Variants in PDZRN3 observed in about 807,000 individuals in gnomAD.
PDZRN3 encodes the protein PDZ domain containing ring finger 3.
A neutral mutation model predicts 85.7 loss-of-function variants in PDZRN3; 38 were observed. The ratio of observed to expected loss-of-function variants is 0.44; its 90% CI spans 0.34 to 0.58. PDZRN3 has a LOEUF of 0.58. Ranked by LOEUF, PDZRN3 falls within the 20% of genes least tolerant of loss-of-function variation. The pLI, the probability that PDZRN3 is intolerant of heterozygous loss-of-function variation, is 0.01. For missense variants in PDZRN3, 1,629 were observed against 1,506.4 expected (o/e 1.08, Z -1.35); for synonymous variants, 759 against 638.0 (o/e 1.19, Z -2.86).
intron 3 of PDZRN3, among the ~76,000 whole-genome samples, chr3:73,449,300 A>G (rs76764183): frequency 0.062 from 9,386 of 152,076 alleles, 377 homozygotes; most frequent in Middle Eastern, 0.13. Flanking sequence ...CATCTGATTA[A>G]TATTCATATT....
intron 3 of PDZRN3, among the ~76,000 whole-genome samples, chr3:73,492,219 T>C (rs1371179427): frequency 6.6e-6 from 1 of 152,202 alleles, no homozygotes; most frequent in Non-Finnish European, 1.5e-5. Flanking sequence ...ATTATCAAAA[T>C]ATTTCACAGA....
chr3:73,456,184 ATGTGTGTGTGTG>A (rs10608893), intron 3 of PDZRN3, among the ~76,000 whole-genome samples: 27 of 150,742 alleles, frequency 1.8e-4, no homozygotes, highest in Non-Finnish European at 2.4e-4. Context: ...GAGAAGAAAA[ATGTGTGTGTGTG>A]TGTGTGTGTG....
intron 6 of PDZRN3, among the ~76,000 whole-genome samples, chr3:73,390,635 A>ATG (rs746695153): frequency 0.057 from 7,944 of 139,396 alleles, 740 homozygotes; most frequent in African/African-American, 0.2. Context: ...AGAAAAAAAA[A>ATG]TGTGTGTGTG....
intron 3 of PDZRN3, among the ~76,000 whole-genome samples, chr3:73,406,526 C>A (rs1475378989): frequency 8.5e-5 from 13 of 152,162 alleles, no homozygotes; most frequent in African/African-American, 3.1e-4. Flanking sequence ...CAACATATAG[C>A]ACCCTTAGGA....
intron 3 of PDZRN3, among the ~76,000 whole-genome samples, chr3:73,594,682 A>G (rs921233867): frequency 6.9e-6 from 1 of 144,520 alleles, no homozygotes; most frequent in Admixed American, 7.1e-5. Context: ...TAGTAAGGAG[A>G]TCAGCTGCAT....
chr3:73,549,438 C>G (rs927345907), intron 3 of PDZRN3, among the ~76,000 whole-genome samples: 3 of 152,168 alleles, frequency 2.0e-5, no homozygotes, highest in African/African-American at 7.2e-5. Context: ...ACCCTGCAAG[C>G]CCAAATCCCA....
intron 3 of PDZRN3, among the ~76,000 whole-genome samples, chr3:73,526,049 C>T (rs191628761): frequency 2.2e-4 from 33 of 152,236 alleles, no homozygotes; most frequent in African/African-American, 7.5e-4. Context: ...CTGCTGTGCA[C>T]GGACTACGTG....
intron 3 of PDZRN3, among the ~76,000 whole-genome samples, chr3:73,589,999 C>T (rs1235516717): frequency 2.6e-5 from 4 of 152,062 alleles, no homozygotes; most frequent in South Asian, 4.2e-4. Flanking sequence ...CTGGGCTCAG[C>T]GGCTCACGCA....
chr3:73,436,449 C>CA (rs1490794284), intron 3 of PDZRN3, among the ~76,000 whole-genome samples: 2 of 152,006 alleles, frequency 1.3e-5, no homozygotes, highest in African/African-American at 4.8e-5. Context: ...GGTGTCCCCA[C>CA]AAAAAAAGGC....
intron 3 of PDZRN3, among the ~76,000 whole-genome samples, chr3:73,464,546 A>T (rs1302763407): frequency 6.6e-6 from 1 of 152,154 alleles, no homozygotes; most frequent in East Asian, 1.9e-4. Context: ...ATAAATGATA[A>T]CTATTCTGTC....
chr3:73,420,506 ATTGTTT>A (rs1280631700), intron 3 of PDZRN3, among the ~76,000 whole-genome samples: 1 of 152,134 alleles, frequency 6.6e-6, no homozygotes, highest in Non-Finnish European at 1.5e-5. Context: ...ACCACCATAT[ATTGTTT>A]TTAAGAAGCT....
At chr3:73,603,861 A>C (rs1218960588) in intron 2 of PDZRN3, among the ~76,000 whole-genome samples, 1 of 134,568 alleles carries the variant, frequency 7.4e-6, no homozygotes, top group African/African-American at 3.0e-5. Flanking sequence ...CCTTCTTCAC[A>C]CTTCCCCAAA....
intron 3 of PDZRN3, among the ~76,000 whole-genome samples, chr3:73,456,984 G>A (rs550725638): frequency 3.9e-5 from 6 of 152,158 alleles, no homozygotes; most frequent in African/African-American, 1.4e-4. Context: ...CATTTAAAAT[G>A]TATGTATCCT....
intron 1 of PDZRN3, among the ~76,000 whole-genome samples, chr3:73,614,045 CAAG>C (rs1702723823): frequency 6.6e-6 from 1 of 152,130 alleles, no homozygotes; most frequent in Non-Finnish European, 1.5e-5. Flanking sequence ...GCTCACTTTT[CAAG>C]AAGATACAGT....
At position 73,384,216 on chromosome 3, in the gene PDZRN3, C is replaced by A; in HGVS notation, c.2350G>T (p.Glu784Ter). Residue 784 changes from glutamate (E) to a stop codon, truncating the protein, a stop_gained, in exon 10 of 10, where the codon GAG (glutamate) becomes TAG (stop). Coordinates refer to ENST00000263666, the MANE Select transcript of PDZRN3 (RefSeq NM_015009.3). LOFTEE classifies it high-confidence loss of function. ...SPDNSLRRAA[E>*]GISCPSSEGA... is the part of the protein sequence containing the mutation. ...TCGCTGCTCGGGCAGCTGATGCCCTCCGCCGCTCTCCTCAAGGAGTTGTCG... is the reference window on the plus strand; with the variant it reads ...TCGCTGCTCGGGCAGCTGATGCCCTACGCCGCTCTCCTCAAGGAGTTGTCG... The A allele has an allele frequency of 6.2e-7, 1 of 1,613,882 alleles. No individual in the cohort carries two copies. Among genetic ancestry groups the A allele is most frequent in the Non-Finnish European group, 8.5e-7 (1 of 1,180,034 alleles).
chr3:73,439,253 A>G (rs993173170), intron 3 of PDZRN3, among the ~76,000 whole-genome samples: 1 of 152,196 alleles, frequency 6.6e-6, no homozygotes, highest in African/African-American at 2.4e-5. Context: ...CCTGCTCAGC[A>G]CCAGTCACTT....
intron 1 of PDZRN3, 48 bp downstream of exon 1, chr3:73,624,038 ATGGGGCGGGGCCCTGGG>A (rs1702916178): frequency 5.1e-6 from 7 of 1,360,928 alleles, no homozygotes; most frequent in Non-Finnish European, 6.6e-6. Context: ...ACCCAAAGGG[ATGGGGCGGGGCCCTGGG>A]TCCCCAGGGA....
chr3:73,573,046 A>T (rs1411019259), intron 3 of PDZRN3, among the ~76,000 whole-genome samples: 4 of 152,180 alleles, frequency 2.6e-5, no homozygotes, highest in Non-Finnish European at 5.9e-5. Flanking sequence ...AATAAGATAC[A>T]GAGGTTGGTT....
At chr3:73,600,616 A>T (rs1336462625) in intron 3 of PDZRN3, among the ~76,000 whole-genome samples, 2 of 152,188 alleles carry the variant, frequency 1.3e-5, no homozygotes, top group African/African-American at 4.8e-5. Flanking sequence ...GACTTACCAG[A>T]AACCGTACTC....
Sources: allele counts gnomAD v4.1 joint callset (sites outside exome capture counted in the v4.1 genomes callset), GRCh38; gene constraint gnomAD v4.1.1; transcripts MANE v1.5; gene names NCBI Gene and HGNC (gene_info 2026-07-23, HGNC 2026-07-21).